SLIT2: variants seen among roughly 807,000 people sequenced by gnomAD.
SLIT2 encodes the protein slit guidance ligand 2.
SLIT2 carries 41 observed loss-of-function variants against 185.7 expected under a neutral mutation model. That is an observed-to-expected ratio of 0.22 (90% CI 0.17 to 0.29). The LOEUF (loss-of-function observed/expected upper bound fraction) is 0.29, where lower values mean the gene tolerates loss of function less well. Ranked by LOEUF, SLIT2 falls within the 10% of genes least tolerant of loss-of-function variation. SLIT2 has a pLI of 1.00. For missense variants in SLIT2, 1,571 were observed against 1,909.0 expected, an observed-to-expected ratio of 0.82 and a Z score of 3.30; for synonymous variants, 693 against 680.2, an observed-to-expected ratio of 1.02 and a Z score of -0.29.
At chr4:20,552,611 G>T (rs145424273) in intron 25 of SLIT2, 59 of 152,128 alleles carry the variant, frequency 3.9e-4, no homozygotes, top group African/African-American at 1.4e-3. Context: ...TAATTTGGAA[G>T]GGTTTGAATC....
intron 4 of SLIT2, among the ~76,000 whole-genome samples, chr4:20,394,284 CG>C (rs1483860432): frequency 6.6e-6 from 1 of 151,866 alleles, no homozygotes; most frequent in Admixed American, 6.6e-5. Flanking sequence ...CATAAGCTTA[CG>C]TGGTATCATT....
At chr4:20,483,469 C>A (rs1034675467) in intron 6 of SLIT2, among the ~76,000 whole-genome samples, 1 of 152,060 alleles carries the variant, frequency 6.6e-6, no homozygotes, top group Admixed American at 6.6e-5. Context: ...GAAACTAAAT[C>A]TTGATCAGTA....
intron 26 of SLIT2, among the ~76,000 whole-genome samples, chr4:20,563,686 A>T (rs369377872): frequency 6.7e-6 from 1 of 149,572 alleles, no homozygotes; most frequent in Admixed American, 6.8e-5. Flanking sequence ...AAACAGCAAG[A>T]TCTAATTTGC....
chr4:20,331,479 A>G (rs1720063347), intron 4 of SLIT2, among the ~76,000 whole-genome samples: 1 of 152,116 alleles, frequency 6.6e-6, no homozygotes, highest in Non-Finnish European at 1.5e-5. Context: ...TGCTAAATAC[A>G]TTTGTTTTCA....
At chr4:20,546,972 T>C (rs1723304172) in intron 22 of SLIT2, among the ~76,000 whole-genome samples, 1 of 152,088 alleles carries the variant, frequency 6.6e-6, no homozygotes, top group Admixed American at 6.6e-5. Flanking sequence ...AGAAGCAGAT[T>C]ACTGGTTAAC....
rs914285081 is a variant in SLIT2, at chr4:20,557,389, C to T, written c.2725+3421C>T. Among the ~76,000 whole-genome samples, 3 of 151,980 alleles carry T rather than the reference C, an allele frequency of 2.0e-5. No individual in the cohort carries two copies. The East Asian group carries it at 5.8e-4, about 29-fold the overall frequency. On this transcript the variant is annotated intron_variant, in intron 26 of 36. Coordinates refer to ENST00000504154, the MANE Select transcript of SLIT2 (RefSeq NM_004787.4). ...ATGCTCATTTACCATTCCGAAAATC[C>T]TAGAGCCCTTGATAATTACGGTAAA... is the stretch of plus-strand genomic sequence containing the variant.
At chr4:20,491,236 T>A (rs1429882731) in intron 8 of SLIT2, among the ~76,000 whole-genome samples, 1 of 152,232 alleles carries the variant, frequency 6.6e-6, no homozygotes, top group East Asian at 1.9e-4. Flanking sequence ...TATCAAGACA[T>A]CAAATTCTGG....
At chr4:20,271,319 G>A (rs1577348763) in intron 4 of SLIT2, among the ~76,000 whole-genome samples, 3 of 148,926 alleles carry the variant, frequency 2.0e-5, no homozygotes, top group South Asian at 2.1e-4. Flanking sequence ...ATATATGATC[G>A]TTTTATAAAT....
intron 16 of SLIT2, 50 bp downstream of exon 16, chr4:20,529,149 C>T: frequency 7.2e-7 from 1 of 1,393,764 alleles, no homozygotes; most frequent in Non-Finnish European, 9.8e-7. Flanking sequence ...GGAATGAAAG[C>T]ATTAAAGCAT....
chr4:20,589,577 A>T, intron 29 of SLIT2, 67 bp from the exon 30 acceptor site: 1 of 1,188,558 alleles, frequency 8.4e-7, no homozygotes, highest in Non-Finnish European at 1.2e-6. Flanking sequence ...CATGACAATG[A>T]CACAGTCTGC....
At chr4:20,416,792 A>G (rs1727726028) in intron 4 of SLIT2, among the ~76,000 whole-genome samples, 1 of 152,220 alleles carries the variant, frequency 6.6e-6, no homozygotes, top group Non-Finnish European at 1.5e-5. Flanking sequence ...TTCCTGCTGA[A>G]CAAGTCTTTC....
intron 8 of SLIT2, chr4:20,490,104 A>T (rs1053729162): frequency 1.3e-5 from 2 of 152,198 alleles, no homozygotes. Context: ...TAAATAAATC[A>T]ATAAAATAAA....
intron 34 of SLIT2, among the ~76,000 whole-genome samples, chr4:20,610,993 T>C (rs1490573357): frequency 6.6e-6 from 1 of 152,166 alleles, no homozygotes; most frequent in Non-Finnish European, 1.5e-5. Flanking sequence ...GGAACAAATA[T>C]AAACTGGAGG....
At chr4:20,457,733 A>G (rs1400911266) in intron 4 of SLIT2, among the ~76,000 whole-genome samples, 1 of 152,128 alleles carries the variant, frequency 6.6e-6, no homozygotes, top group Non-Finnish European at 1.5e-5. Flanking sequence ...TGCTATTTTT[A>G]ACTTTTCATT....
At chr4:20,259,372 ATAATT>A (rs974489328) in intron 3 of SLIT2, among the ~76,000 whole-genome samples, 58 of 151,910 alleles carry the variant, frequency 3.8e-4, no homozygotes, top group African/African-American at 1.4e-3. Context: ...AAATGAATAG[ATAATT>A]TAAATTATCA....
chr4:20,595,844 G>C lies in SLIT2; in HGVS notation c.3320+10G>C, dbSNP rs370374070. ...GCCCCGAAGGTTACAGGTAAAAGCAGAAATGAATAAGACCTAGTGTTCAAT... is the reference window on the plus strand; with the variant it reads ...GCCCCGAAGGTTACAGGTAAAAGCACAAATGAATAAGACCTAGTGTTCAAT... On this transcript the variant is annotated intron_variant, in intron 31 of 36. Transcript: ENST00000504154. 3.7e-6 allele frequency: 6 copies of C among 1,612,188 alleles called. No homozygotes were observed. The highest frequency in any genetic ancestry group is 3.4e-6 in the Non-Finnish European group (4 of 1,178,576).
intron 26 of SLIT2, among the ~76,000 whole-genome samples, chr4:20,557,697 CATTTTAT>C: frequency 6.6e-6 from 1 of 152,020 alleles, no homozygotes; most frequent in East Asian, 1.9e-4. Context: ...TTCAGAAATA[CATTTTAT>C]AAGGCTACAG....
At chr4:20,561,006 A>G (rs930274886) in intron 26 of SLIT2, among the ~76,000 whole-genome samples, 1 of 151,848 alleles carries the variant, frequency 6.6e-6, no homozygotes, top group African/African-American at 2.4e-5. Context: ...AATATGTGTA[A>G]GATGCTAATA....
At chr4:20,265,848 C>A (rs948990558) in intron 3 of SLIT2, among the ~76,000 whole-genome samples, 4 of 151,694 alleles carry the variant, frequency 2.6e-5, no homozygotes, top group Non-Finnish European at 5.9e-5. Flanking sequence ...GGAAAGCTTC[C>A]GCATTATATT....
Sources: gnomAD v4.1 joint callset for allele counts (sites outside exome capture counted in the v4.1 genomes callset) on GRCh38, gnomAD v4.1.1 for gene constraint, MANE v1.5 for transcripts, NCBI Gene and HGNC (gene_info 2026-07-23, HGNC 2026-07-21) for gene names.